GALNT13: variants seen among roughly 807,000 people sequenced by gnomAD.
GALNT13 encodes the protein UDP-GalNAc:polypeptide N-acetylgalactosaminyltransferase 13.
A neutral mutation model predicts 64.2 loss-of-function variants in GALNT13; 28 were observed. That is an observed-to-expected ratio of 0.44 (90% CI 0.32 to 0.60). The LOEUF (loss-of-function observed/expected upper bound fraction) is 0.60. Among genes scored for constraint, GALNT13 ranks in the 20% least tolerant of loss-of-function variants. The probability of loss-of-function intolerance (pLI) is 0.05; values close to 1 mark genes in which losing one functional copy is unlikely to be tolerated. For synonymous variants in GALNT13, 214 were observed against 224.6 expected (o/e 0.95, Z 0.42); for missense variants, 577 against 669.8 (o/e 0.86, Z 1.53).
chr2:153,627,191 A>T, the GALNT13 span, among the ~76,000 whole-genome samples: 8 of 152,080 alleles, frequency 5.3e-5, no homozygotes, highest in Non-Finnish European at 2.9e-5. Context: ...TACACTGAAA[A>T]GATGGAAAAA....
At chr2:153,305,429 T>C in the GALNT13 span, among the ~76,000 whole-genome samples, 4 of 152,150 alleles carry the variant, frequency 2.6e-5, no homozygotes, top group African/African-American at 7.2e-5. Context: ...TTGGAGGTGG[T>C]TTCATAACTT....
chr2:153,477,017 G>A, the GALNT13 span, among the ~76,000 whole-genome samples: 32 of 152,316 alleles, frequency 2.1e-4, no homozygotes, highest in East Asian at 6.0e-3. Context: ...CCGGAGCCTG[G>A]CACGGAAGTG....
chr2:154,187,291 A>G (rs1042346619), intron 4 of GALNT13, among the ~76,000 whole-genome samples: 1 of 151,878 alleles, frequency 6.6e-6, no homozygotes, highest in Non-Finnish European at 1.5e-5. Flanking sequence ...GTATAATTTT[A>G]GTAACATTTT....
In GALNT13 at chr2:154,189,784, A is replaced by G. The variant is rs539573509; in HGVS notation, c.311+49279A>G. Among the ~76,000 whole-genome samples the G allele has an allele frequency of 5.3e-5, 8 of 152,182 alleles. No individual in the cohort carries two copies. In the South Asian group the frequency reaches 6.2e-4, roughly 12 times the overall value. On this transcript the variant is annotated intron_variant, in intron 4 of 12. Coordinates refer to ENST00000392825, the MANE Select transcript of GALNT13 (RefSeq NM_052917.4). ...TTTTATTCCACCATCCACTCCTACT[A>G]TGGTGGAGTAGGATAAGAATGGATT...
chr2:153,242,499 T>C, the GALNT13 span, among the ~76,000 whole-genome samples: 7 of 152,206 alleles, frequency 4.6e-5, no homozygotes, highest in Non-Finnish European at 1.0e-4. Flanking sequence ...ATTAATTTCA[T>C]GTGGGAAGTT....
chr2:154,395,037 G>A (rs572456188), intron 9 of GALNT13, among the ~76,000 whole-genome samples: 2 of 152,278 alleles, frequency 1.3e-5, no homozygotes, highest in East Asian at 3.9e-4. Context: ...GACAACAATT[G>A]GCTGGCTTTG....
At chr2:153,632,280 C>T in the GALNT13 span, among the ~76,000 whole-genome samples, 1 of 152,098 alleles carries the variant, frequency 6.6e-6, no homozygotes, top group African/African-American at 2.4e-5. Flanking sequence ...ATACTTTGTC[C>T]CTAGCCCCCG....
the GALNT13 span, among the ~76,000 whole-genome samples, chr2:153,198,239 A>T: frequency 3.3e-5 from 5 of 152,054 alleles, no homozygotes; most frequent in African/African-American, 1.2e-4. Context: ...ACCCAGCATG[A>T]GTTCCCACTC....
At chr2:154,409,714 A>T (rs181417777) in intron 11 of GALNT13, among the ~76,000 whole-genome samples, 42 of 152,048 alleles carry the variant, frequency 2.8e-4, no homozygotes, top group African/African-American at 9.4e-4. Context: ...AGTTCCTGGG[A>T]ACTATACCAA....
chr2:154,207,167 A>G (rs1167919388), intron 4 of GALNT13, among the ~76,000 whole-genome samples: 2 of 152,294 alleles, frequency 1.3e-5, no homozygotes, highest in Non-Finnish European at 2.9e-5. Context: ...ATCCCTAGCT[A>G]AGGTGTACGT....
chr2:153,995,764 A>C (rs1695482876), intron 3 of GALNT13, among the ~76,000 whole-genome samples: 1 of 152,076 alleles, frequency 6.6e-6, no homozygotes, highest in African/African-American at 2.4e-5. Context: ...AGAACATCAG[A>C]ACTTATTCTT....
chr2:153,126,330 ATATATATATATATATATG>A, the GALNT13 span, among the ~76,000 whole-genome samples: 5 of 56,446 alleles, frequency 8.9e-5, no homozygotes, highest in Admixed American at 2.4e-4. Flanking sequence ...ATATATATAT[ATATATATATATATATATG>A]ATATTAAGGA....
the GALNT13 span, among the ~76,000 whole-genome samples, chr2:153,503,293 C>T: frequency 6.6e-6 from 1 of 152,294 alleles, no homozygotes; most frequent in African/African-American, 2.4e-5. Flanking sequence ...CATTCTCCTG[C>T]AGTGGATTGC....
At chr2:154,259,938 T>A (rs1690601590) in intron 8 of GALNT13, among the ~76,000 whole-genome samples, 2 of 152,086 alleles carry the variant, frequency 1.3e-5, no homozygotes, top group African/African-American at 4.8e-5. Context: ...AGTGGTACAG[T>A]GGTGCAATTT....
At chr2:153,588,042 G>C in the GALNT13 span, among the ~76,000 whole-genome samples, 26 of 152,200 alleles carry the variant, frequency 1.7e-4, no homozygotes, top group Non-Finnish European at 2.8e-4. Flanking sequence ...GATCTCCTTT[G>C]ACTCCATGTC....
the GALNT13 span, among the ~76,000 whole-genome samples, chr2:153,621,678 C>T: frequency 3.9e-5 from 6 of 152,100 alleles, no homozygotes; most frequent in African/African-American, 1.4e-4. Flanking sequence ...GTCCTTCCCA[C>T]TCTTCCCTCA....
chr2:154,378,143 C>A (rs530025394), intron 9 of GALNT13, among the ~76,000 whole-genome samples: 468 of 152,216 alleles, frequency 3.1e-3, no homozygotes, highest in Non-Finnish European at 5.3e-3. Context: ...ACACAGAGAA[C>A]GCCAATTCTC....
At chr2:153,293,159 C>T in the GALNT13 span, among the ~76,000 whole-genome samples, 32 of 151,980 alleles carry the variant, frequency 2.1e-4, 1 homozygote, top group East Asian at 5.2e-3. Flanking sequence ...GGTTGCTTTC[C>T]GGATCCAGTG....
chr2:153,168,442 T>G, the GALNT13 span, among the ~76,000 whole-genome samples: 1,160 of 152,330 alleles, frequency 7.6e-3, 12 homozygotes, highest in African/African-American at 0.026. Flanking sequence ...AGTTATATAT[T>G]TGTGGTACAC....
Sources: allele counts gnomAD v4.1 joint callset (sites outside exome capture counted in the v4.1 genomes callset), GRCh38; gene constraint gnomAD v4.1.1; transcripts MANE v1.5; gene names NCBI Gene and HGNC (gene_info 2026-07-23, HGNC 2026-07-21).